The following ITGA9 variants were observed in gnomAD, a reference collection of about 807,000 sequenced individuals.
The protein encoded by ITGA9 is integrin subunit alpha 9, also known as integrin alpha-9.
ITGA9 carries 56 observed loss-of-function variants against 127.8 expected under a neutral mutation model. The ratio of observed to expected loss-of-function variants is 0.44; its 90% CI spans 0.35 to 0.55. The LOEUF is 0.55. ITGA9 is among the 20% of genes least tolerant of loss of function. The pLI, the probability that ITGA9 is intolerant of heterozygous loss-of-function variation, is 0.00. For missense variants in ITGA9, 1,196 were observed against 1,347.1 expected (o/e 0.89, Z 1.76); for synonymous variants, 508 against 514.5 (o/e 0.99, Z 0.17).
chr3:37,744,108 G>T, intron 22 of ITGA9, 74 bp downstream of exon 22: 1 of 1,008,774 alleles, frequency 9.9e-7, no homozygotes, highest in Non-Finnish European at 1.6e-6. Context: ...TCCTACAGAG[G>T]GCTAAGCTCT....
intron 18 of ITGA9, among the ~76,000 whole-genome samples, chr3:37,731,902 T>C (rs1284377517): frequency 6.6e-6 from 1 of 152,244 alleles, no homozygotes; most frequent in Admixed American, 6.5e-5. Context: ...CCTGTCTAGA[T>C]GCCTTGAAAT....
intron 5 of ITGA9, among the ~76,000 whole-genome samples, chr3:37,494,819 A>G (rs1474890764): frequency 1.3e-5 from 2 of 152,072 alleles, no homozygotes; most frequent in Non-Finnish European, 1.5e-5. Flanking sequence ...TGATTTCTGT[A>G]GGAGTCTGCT....
chr3:37,630,520 G>C (rs532981837), intron 16 of ITGA9, among the ~76,000 whole-genome samples: 16 of 152,326 alleles, frequency 1.1e-4, no homozygotes, highest in African/African-American at 3.8e-4. Flanking sequence ...CTTCCCTTTT[G>C]TGCCCCATAT....
intron 16 of ITGA9, among the ~76,000 whole-genome samples, chr3:37,641,240 A>C (rs144495157): frequency 2.0e-4 from 30 of 152,246 alleles, no homozygotes; most frequent in Non-Finnish European, 4.1e-4. Context: ...TTAGATTCTC[A>C]CAGGAACATG....
intron 18 of ITGA9, among the ~76,000 whole-genome samples, chr3:37,728,129 T>C (rs1032219210): frequency 5.3e-5 from 8 of 152,190 alleles, no homozygotes; most frequent in African/African-American, 9.7e-5. Flanking sequence ...CCTTGATAAA[T>C]GCTAATGTTA....
At chr3:37,520,828 C>T (rs755350601) in intron 11 of ITGA9, among the ~76,000 whole-genome samples, 3 of 152,188 alleles carry the variant, frequency 2.0e-5, no homozygotes, top group Admixed American at 6.5e-5. Flanking sequence ...GCTCGGGCAG[C>T]GGTCAGGGTC....
At chr3:37,518,093 CGTGTGTGT>C (rs55842055) in intron 10 of ITGA9, among the ~76,000 whole-genome samples, 1 of 144,106 alleles carries the variant, frequency 6.9e-6, no homozygotes, top group African/African-American at 2.6e-5. Flanking sequence ...AGAGTGTACG[CGTGTGTGT>C]GTGTGTGTGT....
intron 17 of ITGA9, among the ~76,000 whole-genome samples, chr3:37,671,780 G>A (rs986948515): frequency 6.6e-6 from 1 of 152,134 alleles, no homozygotes; most frequent in African/African-American, 2.4e-5. Context: ...GATCTGTTTT[G>A]CCTGATTAGA....
At chr3:37,716,204 A>G (rs528468642) in intron 18 of ITGA9, among the ~76,000 whole-genome samples, 66 of 152,278 alleles carry the variant, frequency 4.3e-4, no homozygotes, top group South Asian at 3.9e-3. Flanking sequence ...TCCTCCCACA[A>G]AAGACACACA....
At chr3:37,683,247 T>C (rs1398279549) in intron 17 of ITGA9, among the ~76,000 whole-genome samples, 1 of 152,186 alleles carries the variant, frequency 6.6e-6, no homozygotes, top group Non-Finnish European at 1.5e-5. Context: ...AGTCCCCACA[T>C]ACCGTGTTTC....
chr3:37,748,071 C>T, intron 22 of ITGA9: 1 of 395,144 alleles, frequency 2.5e-6, no homozygotes, highest in Non-Finnish European at 4.9e-6. Context: ...GAAATTTCGG[C>T]CTTTTGGCCA....
intron 15 of ITGA9, among the ~76,000 whole-genome samples, chr3:37,618,050 G>T (rs1179676192): frequency 6.6e-6 from 1 of 152,186 alleles, no homozygotes; most frequent in Non-Finnish European, 1.5e-5. Context: ...CATTTTTAGA[G>T]TTTCCAGTTT....
intron 15 of ITGA9, among the ~76,000 whole-genome samples, chr3:37,620,217 T>C (rs1244438429): frequency 6.6e-6 from 1 of 152,206 alleles, no homozygotes; most frequent in Non-Finnish European, 1.5e-5. Flanking sequence ...GGGCGTCACT[T>C]GCAGGCTTCG....
chr3:37,790,465 A>G, intron 26 of ITGA9: 3 of 366,840 alleles, frequency 8.2e-6, no homozygotes, highest in Non-Finnish European at 1.6e-5. Context: ...TGATGCCCTC[A>G]GGTTTACGCC....
chr3:37,675,620 C>T (rs1330820629), intron 17 of ITGA9, among the ~76,000 whole-genome samples: 1 of 151,848 alleles, frequency 6.6e-6, no homozygotes, highest in Admixed American at 6.6e-5. Flanking sequence ...CTCAAAATTA[C>T]TTGGTGAGAA....
chr3:37,815,427 G>A (rs1201044028), intron 27 of ITGA9, among the ~76,000 whole-genome samples: 1 of 152,116 alleles, frequency 6.6e-6, no homozygotes, highest in Non-Finnish European at 1.5e-5. Flanking sequence ...TGGCCAACAA[G>A]ATGAAACCCC....
intron 14 of ITGA9, among the ~76,000 whole-genome samples, chr3:37,540,695 C>T (rs1266567989): frequency 6.6e-6 from 1 of 152,156 alleles, no homozygotes; most frequent in Non-Finnish European, 1.5e-5. Context: ...GCTTAGTGGT[C>T]TCCAGGATTG....
chr3:37,674,358 T>C (rs1700662702), intron 17 of ITGA9, among the ~76,000 whole-genome samples: 1 of 152,214 alleles, frequency 6.6e-6, no homozygotes, highest in Non-Finnish European at 1.5e-5. Context: ...ATAGCCTGAA[T>C]GCTGTTGTAC....
chr3:37,696,586 C>A (rs1700887519), intron 18 of ITGA9, among the ~76,000 whole-genome samples: 1 of 152,128 alleles, frequency 6.6e-6, no homozygotes, highest in Admixed American at 6.5e-5. Flanking sequence ...AATTTCCAGG[C>A]CCTTCTTCAC....
Sources: gnomAD v4.1 joint callset for allele counts (sites outside exome capture counted in the v4.1 genomes callset) on GRCh38, gnomAD v4.1.1 for gene constraint, MANE v1.5 for transcripts, NCBI Gene and HGNC (gene_info 2026-07-23, HGNC 2026-07-21) for gene names.